Variants in DOCK3 observed in about 807,000 individuals in gnomAD.
DOCK3 encodes the protein dedicator of cytokinesis protein 3.
A neutral mutation model predicts 265.6 loss-of-function variants in DOCK3; 60 were observed. The ratio of observed to expected loss-of-function variants is 0.23; its 90% CI spans 0.18 to 0.28. DOCK3 has a LOEUF of 0.28. DOCK3 is among the 10% of genes least tolerant of loss of function. The probability of loss-of-function intolerance (pLI) is 1.00; values close to 1 mark genes in which losing one functional copy is unlikely to be tolerated. For missense variants in DOCK3, 1,981 were observed against 2,594.3 expected, an observed-to-expected ratio of 0.76 and a Z score of 5.14; for synonymous variants, 881 against 938.0, an observed-to-expected ratio of 0.94 and a Z score of 1.11.
At chr3:50,966,495 T>C (rs1283206205) in intron 5 of DOCK3, among the ~76,000 whole-genome samples, 1 of 148,574 alleles carries the variant, frequency 6.7e-6, no homozygotes, top group Non-Finnish European at 1.5e-5. Context: ...TTTTTTTTTT[T>C]TTCTTCCTTT....
At chr3:51,285,884 A>G (rs1228753150) in intron 27 of DOCK3, among the ~76,000 whole-genome samples, 1 of 152,132 alleles carries the variant, frequency 6.6e-6, no homozygotes, top group Non-Finnish European at 1.5e-5. Context: ...GCAGTGAGCC[A>G]AGATCACGCC....
At chr3:50,738,080 TG>T in intron 1 of DOCK3, among the ~76,000 whole-genome samples, 1 of 152,308 alleles carries the variant, frequency 6.6e-6, no homozygotes. Flanking sequence ...CTGGAGATTA[TG>T]GGTAGGCCAT....
At chr3:51,219,200 C>T (rs974978780) in intron 14 of DOCK3, among the ~76,000 whole-genome samples, 1 of 152,132 alleles carries the variant, frequency 6.6e-6, no homozygotes, top group Non-Finnish European at 1.5e-5. Context: ...TCTTTCTTTT[C>T]GTGTTTGTCT....
At chr3:50,892,729 C>T (rs1442728027) in intron 4 of DOCK3, among the ~76,000 whole-genome samples, 2 of 152,010 alleles carry the variant, frequency 1.3e-5, no homozygotes, top group African/African-American at 2.4e-5. Context: ...TCTGCAAGAT[C>T]GGGAAAAGTG....
At chr3:50,948,276 C>T (rs956822450) in intron 5 of DOCK3, among the ~76,000 whole-genome samples, 3 of 151,014 alleles carry the variant, frequency 2.0e-5, no homozygotes, top group Non-Finnish European at 3.0e-5. Context: ...AGGATGGTCT[C>T]GATCTCCTGA....
chr3:50,766,228 T>C (rs1177654668), intron 1 of DOCK3, among the ~76,000 whole-genome samples: 1 of 151,720 alleles, frequency 6.6e-6, no homozygotes, highest in Non-Finnish European at 1.5e-5. Flanking sequence ...ACCCATTAAC[T>C]TGTCATTTAC....
At chr3:51,246,232 C>CTTTTT (rs34878916) in intron 21 of DOCK3, among the ~76,000 whole-genome samples, 1 of 130,648 alleles carries the variant, frequency 7.7e-6, no homozygotes, top group Non-Finnish European at 1.6e-5. Context: ...TTTAGGAAAA[C>CTTTTT]TTTTTTTTTT....
At chr3:51,159,021 A>G (rs182018622) in intron 10 of DOCK3, among the ~76,000 whole-genome samples, 6 of 152,360 alleles carry the variant, frequency 3.9e-5, no homozygotes, top group Admixed American at 2.6e-4. Context: ...AGTGGTCTAA[A>G]TGAGAGCTGG....
chr3:51,175,745 A>G (rs570762707), intron 12 of DOCK3, among the ~76,000 whole-genome samples: 52 of 152,314 alleles, frequency 3.4e-4, no homozygotes, highest in Admixed American at 1.5e-3. Flanking sequence ...AGTGGGGGCC[A>G]TCCTCCTTTT....
chr3:51,080,263 G>A lies in DOCK3; in HGVS notation c.549+4823G>A, dbSNP rs1000052039. Among the ~76,000 whole-genome samples, 3 of 152,286 alleles carry A rather than the reference G, an allele frequency of 2.0e-5. No individual in the cohort carries two copies. In the East Asian group the frequency reaches 5.8e-4, roughly 29 times the overall value. ...CCAAATGAACAAGAGACTTTACAGG[G>A]CTGAAAATGATTTCTCTACTGGAGA... On this transcript the variant is annotated intron_variant, in intron 7 of 52. Transcript: ENST00000266037.
chr3:50,829,623 C>A (rs1464023910), intron 2 of DOCK3, among the ~76,000 whole-genome samples: 1 of 152,104 alleles, frequency 6.6e-6, no homozygotes, highest in African/African-American at 2.4e-5. Context: ...ATGTGGTTTT[C>A]CTTCTCTTGG....
At chr3:51,091,955 A>G (rs1391806103) in intron 9 of DOCK3, among the ~76,000 whole-genome samples, 1 of 152,036 alleles carries the variant, frequency 6.6e-6, no homozygotes, top group Non-Finnish European at 1.5e-5. Flanking sequence ...ACTGAGCCTG[A>G]CGAACTGTGC....
chr3:50,680,267 A>G (rs2034299901), intron 1 of DOCK3, among the ~76,000 whole-genome samples: 1 of 146,296 alleles, frequency 6.8e-6, no homozygotes, highest in African/African-American at 2.5e-5. Context: ...GTTGGAGTGC[A>G]ATGGGGTGAT....
At chr3:51,093,679 T>G (rs1197293307) in intron 9 of DOCK3, among the ~76,000 whole-genome samples, 1 of 152,220 alleles carries the variant, frequency 6.6e-6, no homozygotes, top group Non-Finnish European at 1.5e-5. Context: ...CTTGCCTGAT[T>G]GCCCTGGCCA....
chr3:51,051,161 G>A (rs895291584), intron 5 of DOCK3, among the ~76,000 whole-genome samples: 1 of 152,108 alleles, frequency 6.6e-6, no homozygotes, highest in African/African-American at 2.4e-5. Context: ...TTTATATAAA[G>A]TTTTTAAAAA....
At chr3:50,897,082 G>A (rs979469031) in intron 4 of DOCK3, among the ~76,000 whole-genome samples, 1 of 152,074 alleles carries the variant, frequency 6.6e-6, no homozygotes, top group South Asian at 2.1e-4. Flanking sequence ...GGGCAGTATG[G>A]CCATTTTCAT....
intron 17 of DOCK3, among the ~76,000 whole-genome samples, 166 bp downstream of exon 17, chr3:51,228,254 G>A (rs77622129): frequency 0.034 from 5,252 of 152,294 alleles, 131 homozygotes; most frequent in Non-Finnish European, 0.055. Context: ...TCTTCTAAGT[G>A]CGGTGGCCGT....
intron 1 of DOCK3, among the ~76,000 whole-genome samples, chr3:50,777,825 G>T (rs2108509978): frequency 6.6e-6 from 1 of 152,020 alleles, no homozygotes; most frequent in South Asian, 2.1e-4. Flanking sequence ...TTGTATGACG[G>T]GTTTTCTAAG....
intron 5 of DOCK3, among the ~76,000 whole-genome samples, chr3:50,978,094 C>T (rs1559889883): frequency 6.6e-6 from 1 of 151,772 alleles, no homozygotes; most frequent in African/African-American, 2.4e-5. Context: ...TTTGAGTGTC[C>T]TCCCGTAGCT....
Sources: gnomAD v4.1 joint callset for allele counts (sites outside exome capture counted in the v4.1 genomes callset) on GRCh38, gnomAD v4.1.1 for gene constraint, MANE v1.5 for transcripts, NCBI Gene and HGNC (gene_info 2026-07-23, HGNC 2026-07-21) for gene names.